The following PRIMPOL variants were observed in gnomAD, a reference collection of about 807,000 sequenced individuals.
The protein encoded by PRIMPOL is DNA-directed primase/polymerase protein.
PRIMPOL carries 54 observed loss-of-function variants against 63.6 expected under a neutral mutation model. The ratio of observed to expected loss-of-function variants is 0.85; its 90% confidence interval spans 0.68 to 1.07. PRIMPOL has a LOEUF of 1.07. Among genes scored for constraint, PRIMPOL ranks in the 50% least tolerant of loss-of-function variants. The pLI is 0.00. For synonymous variants in PRIMPOL, 197 were observed against 220.2 expected (o/e 0.89, Z 0.93); for missense variants, 610 against 648.3 (o/e 0.94, Z 0.64).
At chr4:184,678,891 G>C (rs571307836) in intron 8 of PRIMPOL, among the ~76,000 whole-genome samples, 1 of 152,008 alleles carries the variant, frequency 6.6e-6, no homozygotes, top group Admixed American at 6.6e-5. Flanking sequence ...ATAGTAAAAC[G>C]TATATTTGAA....
chr4:184,694,866 T>TA lies in PRIMPOL; in HGVS notation c.*88dup, dbSNP rs1163880984. Reference sequence around the variant, plus strand: ...ATAAATATATCATTCAACCTGTTTATATAAACTAAGTTTTATTACTTTGCT... The same window carrying TA: ...ATAAATATATCATTCAACCTGTTTATAATAAACTAAGTTTTATTACTTTGCT... On this transcript the variant is annotated 3_prime_UTR_variant, in exon 14 of 14. Transcript: ENST00000314970. The TA allele has an allele frequency of 1.1e-5, 13 of 1,162,688 alleles. No homozygotes were observed. Among genetic ancestry groups the TA allele is most frequent in the South Asian group, 1.6e-5 (1 of 61,380 alleles). 72.0% of individuals were successfully genotyped at this position (1,162,688 alleles called of 1,614,324 possible).
At chr4:184,675,689 T>C (rs1345425440) in intron 7 of PRIMPOL, among the ~76,000 whole-genome samples, 11 of 152,072 alleles carry the variant, frequency 7.2e-5, no homozygotes, top group Non-Finnish European at 1.0e-4. Context: ...TGGTGGTGCA[T>C]GCCTGTAATC....
At chr4:184,659,154 A>C (rs1281687376) in intron 3 of PRIMPOL, among the ~76,000 whole-genome samples, 186 bp from the exon 4 acceptor site, 1 of 152,226 alleles carries the variant, frequency 6.6e-6, no homozygotes, top group African/African-American at 2.4e-5. Flanking sequence ...ATTAAAAAAT[A>C]GGTATAATTA....
intron 2 of PRIMPOL, among the ~76,000 whole-genome samples, chr4:184,653,436 G>A (rs990809012): frequency 2.0e-5 from 3 of 152,224 alleles, no homozygotes; most frequent in African/African-American, 7.2e-5. Flanking sequence ...TATCAACCAT[G>A]CTTAAATAAT....
chr4:184,661,841 G>A lies in PRIMPOL; in HGVS notation c.346G>A (p.Glu116Lys). 5.6e-6 allele frequency: 9 copies of A among 1,613,666 alleles called. No homozygotes were observed. Among genetic ancestry groups the A allele is most frequent in the Non-Finnish European group, 7.6e-6 (9 of 1,179,774 alleles). ...NAVCKLYFDL[E>K]FNKPANPGAD... ...TGTGTGCAAGCTTTATTTTGATTTG[G>A]AATTTAACAAACCTGCCAACCCAGG... The change falls in exon 5 of 14, where the codon GAA becomes AAA. Residue 116 changes from glutamate to lysine, a missense_variant. Physicochemically the swap from Glu to Lys is moderately conservative, Grantham distance 56. Transcript: ENST00000314970.
chr4:184,671,992 G>A (rs545870539), intron 6 of PRIMPOL, among the ~76,000 whole-genome samples, 181 bp from the exon 7 acceptor site: 18 of 152,092 alleles, frequency 1.2e-4, no homozygotes, highest in Non-Finnish European at 1.9e-4. Flanking sequence ...CGCCCGCCTC[G>A]GCCTCCCAAA....
In PRIMPOL at chr4:184,673,520, G is replaced by T. The variant is rs543256592; in HGVS notation, c.844+1060G>T. On this transcript the variant is annotated intron_variant, in intron 7 of 13. Coordinates refer to ENST00000314970, the MANE Select transcript of PRIMPOL (RefSeq NM_152683.4). ...GCTCACTGCAACCTCCGCCTCCCGG[G>T]TTCAAACGATTCTCCTCCCTCAGCC... Among the ~76,000 whole-genome samples, 14 of 151,392 alleles carry T rather than the reference G, an allele frequency of 9.2e-5. No homozygotes were observed. The East Asian group carries it at 2.7e-3, about 29-fold the overall frequency.
chr4:184,673,418 T>A (rs1176006463), intron 7 of PRIMPOL, among the ~76,000 whole-genome samples: 1 of 132,420 alleles, frequency 7.6e-6, no homozygotes, highest in Non-Finnish European at 1.6e-5. Flanking sequence ...CATGAGCCAC[T>A]GCGCCCAGCC....
rs1299273628 is a variant in PRIMPOL, at chr4:184,689,753, C to CTGATGTTAA, written c.1296-1743_1296-1735dup. On this transcript the variant is annotated intron_variant, in intron 11 of 13. Transcript: ENST00000314970. ...ACAGGCGCGAGCCACCATGCCCGGCCTGATGTTAATGGTGCTTTCTATTAC... is the reference window on the plus strand; with the variant it reads ...ACAGGCGCGAGCCACCATGCCCGGCCTGATGTTAATGATGTTAATGGTGCTTTCTATTAC... Among the ~76,000 whole-genome samples the CTGATGTTAA allele has an allele frequency of 1.3e-4, 20 of 152,240 alleles. No homozygotes were observed. The East Asian group carries it at 3.9e-3, about 29-fold the overall frequency.
Position 184,694,816 on chromosome 4 carries a change from A to C in PRIMPOL, c.*37A>C, listed in dbSNP as rs372080848. 2 of 1,536,674 alleles carry C rather than the reference A, an allele frequency of 1.3e-6. No individual in the cohort carries two copies. Among genetic ancestry groups the C allele is most frequent in the Non-Finnish European group, 1.8e-6 (2 of 1,115,838 alleles). ...TGAACACTTTTGTCACCAGGCTATA[A>C]TTTGCCTGATGTCTGTGAGATTTGA... On this transcript the variant is annotated 3_prime_UTR_variant, in exon 14 of 14. Transcript: ENST00000314970.
intron 13 of PRIMPOL, among the ~76,000 whole-genome samples, chr4:184,692,298 A>AC (rs1158357199): frequency 6.6e-5 from 10 of 151,446 alleles, no homozygotes; most frequent in African/African-American, 2.2e-4. Flanking sequence ...ACATGGAGAA[A>AC]CCCCATCTCT....
In PRIMPOL at chr4:184,672,339, A is replaced by G. The variant is rs774998238; in HGVS notation, c.723A>G (p.Glu241=). 4.1e-5 allele frequency: 66 copies of G among 1,614,068 alleles called. No homozygotes were observed. Among genetic ancestry groups the G allele is most frequent in the Non-Finnish European group, 5.2e-5 (61 of 1,180,030 alleles). ...TGTTCACAGAAAAGGCTACAGAGGAAAGCTGGACATCGAATTCAAAGAAAC... is the reference window on the plus strand; with the variant it reads ...TGTTCACAGAAAAGGCTACAGAGGAGAGCTGGACATCGAATTCAAAGAAAC... The part of the protein sequence containing the change: ...NKMFTEKATE[E]SWTSNSKKLE... Residue 241 remains glutamate, a synonymous_variant, in exon 7 of 14, where the codon GAA becomes GAG. Coordinates refer to ENST00000314970, the MANE Select transcript of PRIMPOL (RefSeq NM_152683.4).
intron 11 of PRIMPOL, among the ~76,000 whole-genome samples, chr4:184,686,356 C>T (rs879348323): frequency 7.9e-5 from 12 of 152,050 alleles, no homozygotes; most frequent in African/African-American, 1.4e-4. Context: ...ATGGACTCTA[C>T]GTCGAAAGTG....
intron 9 of PRIMPOL, among the ~76,000 whole-genome samples, chr4:184,684,525 G>A (rs989641597): frequency 6.6e-6 from 1 of 152,118 alleles, no homozygotes; most frequent in Admixed American, 6.5e-5. Flanking sequence ...TTTTTAGATA[G>A]AAAATATAAT....
At chr4:184,689,938 C>T (rs72703531) in intron 11 of PRIMPOL, among the ~76,000 whole-genome samples, 17,593 of 152,180 alleles carry the variant, frequency 0.12, 1,245 homozygotes, top group Middle Eastern at 0.17. Context: ...CCCGGGGCAC[C>T]TTCCTGTACA....
intron 11 of PRIMPOL, among the ~76,000 whole-genome samples, chr4:184,689,663 C>T (rs1044896380): frequency 3.7e-4 from 56 of 151,834 alleles, no homozygotes; most frequent in Non-Finnish European, 6.6e-4. Flanking sequence ...ACCATGTTGG[C>T]CAGGCTGGTC....
intron 2 of PRIMPOL, among the ~76,000 whole-genome samples, chr4:184,652,854 A>G (rs1744957698): frequency 6.8e-6 from 1 of 147,302 alleles, no homozygotes; most frequent in African/African-American, 2.6e-5. Flanking sequence ...AAAAAAAGAA[A>G]AAAGAAAAGG....
chr4:184,682,861 G>A (rs1172886542), intron 9 of PRIMPOL, among the ~76,000 whole-genome samples: 4 of 151,060 alleles, frequency 2.6e-5, no homozygotes, highest in African/African-American at 2.4e-5. Flanking sequence ...ACAATCCTGA[G>A]CAACTTAGCA....
rs1321808201 is a variant in PRIMPOL at position 184,691,651 on chromosome 4, ATCTT to A, written c.1379-11_1379-8del. The A allele has an allele frequency of 1.9e-6, 3 of 1,610,320 alleles. No individual in the cohort carries two copies. The highest frequency in any genetic ancestry group is 1.7e-5 in the Admixed American group (1 of 59,970). On this transcript the variant is annotated splice_polypyrimidine_tract_variant and intron_variant, in intron 12 of 13. Coordinates refer to ENST00000314970, the MANE Select transcript of PRIMPOL (RefSeq NM_152683.4). ...AACTGTAATATGTAATAGTTTTGCT[ATCTT>A]TCTGATTCAGGTTTCCCATTACCTG...
Sources: allele counts gnomAD v4.1 joint callset (sites outside exome capture counted in the v4.1 genomes callset), GRCh38; gene constraint gnomAD v4.1.1; transcripts MANE v1.5; gene names NCBI Gene and HGNC (gene_info 2026-07-23, HGNC 2026-07-21).